The following NBPF11 variants were observed in gnomAD, a reference collection of about 807,000 sequenced individuals.
The protein encoded by NBPF11 is NBPF family member NBPF11.
In NBPF11, 72 loss-of-function variants were observed where a neutral mutation model predicts 93.9. The observed-to-expected ratio is 0.77, with a 90% CI of 0.63 to 0.93. The LOEUF is 0.93. NBPF11 is among the 40% of genes least tolerant of loss of function. The pLI is 0.00. For synonymous variants in NBPF11, 224 were observed against 304.9 expected (o/e 0.73, Z 2.76); for missense variants, 705 against 802.2 (o/e 0.88, Z 1.46).
intron 4 of NBPF11, among the ~76,000 whole-genome samples, chr1:148,131,740 AAC>A (rs1460681725): frequency 1.6e-5 from 1 of 63,396 alleles, no homozygotes; most frequent in East Asian, 3.6e-4. Flanking sequence ...TTGGTCTGGA[AAC>A]ACACATACAG....
intron 1 of NBPF11, chr1:148,149,494 C>G (rs1414398810): frequency 3.8e-6 from 6 of 1,592,752 alleles, no homozygotes; most frequent in African/African-American, 2.7e-5. Flanking sequence ...ACAACGACAT[C>G]GAGCTCTACA....
chr1:148,116,162 C>T (rs1397572134), intron 13 of NBPF11, among the ~76,000 whole-genome samples, 164 bp from the exon 14 acceptor site: 31 of 151,920 alleles, frequency 2.0e-4, no homozygotes, highest in African/African-American at 7.5e-4. Flanking sequence ...CTGTCTGCAA[C>T]AGAGCATGGC....
In NBPF11 at chr1:148,103,811, G is replaced by T; in HGVS notation, c.*85C>A. 1.9e-6 allele frequency: 3 copies of T among 1,611,884 alleles called. No individual in the cohort carries two copies. Among genetic ancestry groups the T allele is most frequent in the Non-Finnish European group, 2.5e-6 (3 of 1,179,466 alleles). On this transcript the variant is annotated 3_prime_UTR_variant, in exon 24 of 24. Transcript: ENST00000682118. ...AAACACACTTCTGTAGTGCTGGAAT[G>T]AGTCAGGTAGTTCAAAGTACATTGA...
Position 148,152,121 on chromosome 1 carries a change from A to G in NBPF11, c.-920T>C, listed in dbSNP as rs1292410988. On this transcript the variant is annotated 5_prime_UTR_variant, in exon 1 of 24. Coordinates refer to ENST00000682118, the MANE Select transcript of NBPF11 (RefSeq NM_001385469.3). ...TAATGGAGGACAGAGCGCAGCGGGGACGGGAAAATCCCTCTCTCCCCTCCG... is the reference window on the plus strand; with the variant it reads ...TAATGGAGGACAGAGCGCAGCGGGGGCGGGAAAATCCCTCTCTCCCCTCCG... 2.0e-5 allele frequency: 3 copies of G among 152,130 alleles called. No homozygotes were observed. The highest frequency in any genetic ancestry group is 7.3e-5 in the African/African-American group (3 of 41,310). 9.4% of individuals were successfully genotyped at this position (152,130 alleles called of 1,614,324 possible).
In NBPF11 at chr1:148,124,883, T is replaced by C. The variant is rs1553272594; in HGVS notation, c.278+16A>G. ...ACACACCTACCTGCCTGTCTCCCCC[T>C]ACGGGGTCCCCTCACCTGAGCTCCT... On this transcript the variant is annotated intron_variant, in intron 6 of 23. Coordinates refer to ENST00000682118, the MANE Select transcript of NBPF11 (RefSeq NM_001385469.3). The C allele has an allele frequency of 5.7e-6, 9 of 1,585,494 alleles. No individual in the cohort carries two copies. The highest frequency in any genetic ancestry group is 2.2e-5 in the East Asian group (1 of 44,814).
chr1:148,125,638 G>C (rs1290933317), intron 5 of NBPF11, among the ~76,000 whole-genome samples: 5 of 152,054 alleles, frequency 3.3e-5, no homozygotes, highest in African/African-American at 9.7e-5. Context: ...AGATTAGTTT[G>C]TGTTAATTTA....
At chr1:148,116,646 C>A in intron 12 of NBPF11, 111 bp from the exon 13 acceptor site, 1 of 593,808 alleles carries the variant, frequency 1.7e-6, no homozygotes, top group East Asian at 2.8e-5. Context: ...CACCGTTCAA[C>A]TGAAAACTCT....
At chr1:148,147,918 T>A (rs1481162705) in intron 1 of NBPF11, among the ~76,000 whole-genome samples, 1 of 152,048 alleles carries the variant, frequency 6.6e-6, no homozygotes, top group Non-Finnish European at 1.5e-5. Context: ...CCATCTGTCC[T>A]GCTGCCCCTT....
intron 4 of NBPF11, among the ~76,000 whole-genome samples, chr1:148,129,045 G>A (rs1458346650): frequency 6.8e-6 from 1 of 147,804 alleles, no homozygotes; most frequent in Non-Finnish European, 1.5e-5. Context: ...TATACCTGGT[G>A]TAAATGACGA....
intron 5 of NBPF11, among the ~76,000 whole-genome samples, chr1:148,126,220 C>A (rs1337564629): frequency 2.0e-5 from 3 of 151,890 alleles, no homozygotes; most frequent in African/African-American, 7.3e-5. Flanking sequence ...AGGCTAGTCT[C>A]AAACTGCTGA....
intron 4 of NBPF11, among the ~76,000 whole-genome samples, chr1:148,127,942 A>T (rs1669504660): frequency 6.6e-6 from 1 of 151,644 alleles, no homozygotes; most frequent in East Asian, 1.9e-4. Flanking sequence ...GGCGTGAGCC[A>T]CCGCACACGG....
chr1:148,136,966 A>G (rs1671396308), intron 3 of NBPF11, among the ~76,000 whole-genome samples: 2 of 151,694 alleles, frequency 1.3e-5, no homozygotes, highest in African/African-American at 4.9e-5. Flanking sequence ...AAATCTGGAA[A>G]CCTCAGGGGA....
In NBPF11 at chr1:148,124,064, T is replaced by C. The variant is rs1668519416; in HGVS notation, c.282A>G (p.Gln94=). The C allele has an allele frequency of 6.2e-7, 1 of 1,603,606 alleles. No homozygotes were observed. Among genetic ancestry groups the C allele is most frequent in the Non-Finnish European group, 8.5e-7 (1 of 1,172,594 alleles). ...EQLKQAEELR[Q]YKVLVHSQER... ...CCTGAGAGTGAACCAGGACTTTATATTGCCTAAGGTGAGACGGTAGAGAAA... is the reference window on the plus strand; with the variant it reads ...CCTGAGAGTGAACCAGGACTTTATACTGCCTAAGGTGAGACGGTAGAGAAA... The change falls in exon 7 of 24, where the codon CAA becomes CAG. Residue 94 remains glutamine, a synonymous_variant. Transcript: ENST00000682118.
intron 1 of NBPF11, chr1:148,147,072 G>A (rs1330460782): frequency 1.6e-5 from 13 of 832,024 alleles, no homozygotes; most frequent in Admixed American, 1.4e-4. Flanking sequence ...CCGGACAGGC[G>A]AGCTTGGGTG....
intron 14 of NBPF11, among the ~76,000 whole-genome samples, chr1:148,114,873 A>T (rs1433434783): frequency 6.6e-6 from 1 of 151,628 alleles, no homozygotes; most frequent in Non-Finnish European, 1.5e-5. Flanking sequence ...ATGAAACACG[A>T]CTGATAGATA....
chr1:148,108,792 C>T (rs1664461495), intron 17 of NBPF11, 138 bp from the exon 18 acceptor site: 7 of 618,744 alleles, frequency 1.1e-5, no homozygotes, highest in African/African-American at 5.8e-5. Flanking sequence ...CAAATTATTG[C>T]CTTTATGTTG....
chr1:148,104,444 G>A (rs1663039744), intron 23 of NBPF11, 93 bp downstream of exon 23: 16 of 611,922 alleles, frequency 2.6e-5, no homozygotes, highest in Non-Finnish European at 8.5e-6. Flanking sequence ...AGCCTTCGTT[G>A]AAAACATGAC....
intron 9 of NBPF11, among the ~76,000 whole-genome samples, chr1:148,121,749 C>T (rs61332760): frequency 0.13 from 20,234 of 151,312 alleles, 1,080 homozygotes; most frequent in East Asian, 0.26. Flanking sequence ...TCAGCCCATC[C>T]TCCCACCTAA....
At chr1:148,119,918 G>T (rs1667440367) in intron 10 of NBPF11, among the ~76,000 whole-genome samples, 2 of 152,078 alleles carry the variant, frequency 1.3e-5, no homozygotes, top group Non-Finnish European at 1.5e-5. Flanking sequence ...CCTCCCAAAG[G>T]GCTGGGATTA....
Sources: allele counts gnomAD v4.1 joint callset (sites outside exome capture counted in the v4.1 genomes callset), GRCh38; gene constraint gnomAD v4.1.1; transcripts MANE v1.5; gene names NCBI Gene and HGNC (gene_info 2026-07-23, HGNC 2026-07-21).